The following WDR27 variants were observed in gnomAD, a reference collection of about 807,000 sequenced individuals.
WDR27 encodes WD repeat-containing protein 27.
In WDR27, 100 loss-of-function variants were observed where a neutral mutation model predicts 114.4. The ratio of observed to expected loss-of-function variants is 0.87; its 90% confidence interval spans 0.74 to 1.03. The LOEUF (loss-of-function observed/expected upper bound fraction) is 1.03. Ranked by LOEUF, WDR27 falls within the 50% of genes least tolerant of loss-of-function variation. The pLI is 0.00. For missense variants in WDR27, 1,129 were observed against 1,092.9 expected (o/e 1.03, Z -0.47); for synonymous variants, 449 against 423.1 (o/e 1.06, Z -0.75).
chr6:169,505,325 CACTT>C (rs759071934), intron 25 of WDR27, among the ~76,000 whole-genome samples: 10 of 152,120 alleles, frequency 6.6e-5, no homozygotes, highest in South Asian at 2.1e-4. Flanking sequence ...CATCAGTTAA[CACTT>C]ACATTAAGCC....
At chr6:169,631,434 T>G (rs1816338658) in intron 21 of WDR27, among the ~76,000 whole-genome samples, 1 of 150,700 alleles carries the variant, frequency 6.6e-6, no homozygotes, top group African/African-American at 2.5e-5. Flanking sequence ...GGTGGGGGGG[T>G]GGAAGATTAA....
At chr6:169,531,470 C>T (rs1292901106) in intron 25 of WDR27, among the ~76,000 whole-genome samples, 3 of 152,142 alleles carry the variant, frequency 2.0e-5, no homozygotes, top group Non-Finnish European at 4.4e-5. Context: ...TTGTCAAATA[C>T]TTCCTGGCAG....
chr6:169,452,491 AC>A (rs1784190713), downstream of WDR27, among the ~76,000 whole-genome samples: 1 of 99,468 alleles, frequency 1.0e-5, no homozygotes, highest in Non-Finnish European at 2.3e-5. Flanking sequence ...GCAGCCCCGG[AC>A]GTGGGGTCAG....
At chr6:169,482,156 C>G (rs906298667) in intron 25 of WDR27, among the ~76,000 whole-genome samples, 23 of 152,224 alleles carry the variant, frequency 1.5e-4, no homozygotes, top group African/African-American at 4.6e-4. Context: ...ACATAGTATT[C>G]TATGGTGTAT....
At chr6:169,609,216 A>G (rs1562686317) in intron 22 of WDR27, among the ~76,000 whole-genome samples, 1 of 152,148 alleles carries the variant, frequency 6.6e-6, no homozygotes, top group Non-Finnish European at 1.5e-5. Context: ...TGGATCTATC[A>G]TTCTGGGGTC....
chr6:169,669,346 TG>T (rs999456653), intron 4 of WDR27, among the ~76,000 whole-genome samples: 2 of 152,120 alleles, frequency 1.3e-5, no homozygotes, highest in Non-Finnish European at 2.9e-5. Context: ...TAAGGAAGCG[TG>T]GGGAGGATCT....
chr6:169,609,384 G>C (rs1397776502), intron 22 of WDR27, among the ~76,000 whole-genome samples: 1 of 152,208 alleles, frequency 6.6e-6, no homozygotes, highest in East Asian at 1.9e-4. Context: ...TGGGCATCCA[G>C]GTGCTTCCAT....
chr6:169,647,716 C>T, intron 16 of WDR27, 57 bp downstream of exon 16: 1 of 1,335,340 alleles, frequency 7.5e-7, no homozygotes, highest in Non-Finnish European at 1.1e-6. Context: ...TTACAGTGGG[C>T]AGAATCAAAG....
intron 14 of WDR27, 139 bp from the exon 15 acceptor site, chr6:169,649,414 TC>T: frequency 1.5e-6 from 1 of 680,948 alleles, no homozygotes; most frequent in Non-Finnish European, 2.5e-6. Flanking sequence ...CTCCCACCTG[TC>T]CTCCAGCCCT....
In WDR27 at chr6:169,638,744, C is replaced by A. The variant is rs1818365433; in HGVS notation, c.1748-84G>T. The A allele has an allele frequency of 2.7e-6, 4 of 1,490,556 alleles. No homozygotes were observed. In the African/African-American group the frequency reaches 5.6e-5, roughly 21 times the overall value. The allele number at this position is 1,490,556 out of a possible 1,614,324, so 92.3% of individuals were successfully genotyped here. A position where few individuals can be genotyped will look rare whatever the true frequency, so the allele number is the denominator to read the frequency against. The stretch of plus-strand genomic sequence containing the variant: ...GTGCTACTTATCTGGTACTTTCATA[C>A]AACACAACTGGAACAGCATTTTTCA... On this transcript the variant is annotated intron_variant, in intron 17 of 25. Transcript: ENST00000448612.
chr6:169,581,083 G>A (rs1164965306), intron 24 of WDR27, among the ~76,000 whole-genome samples: 1 of 151,836 alleles, frequency 6.6e-6, no homozygotes, highest in African/African-American at 2.4e-5. Context: ...CAAGGTTCAT[G>A]ACAACTACAA....
At chr6:169,463,135 C>T (rs555985982) in intron 25 of WDR27, among the ~76,000 whole-genome samples, 1 of 152,282 alleles carries the variant, frequency 6.6e-6, no homozygotes, top group African/African-American at 2.4e-5. Flanking sequence ...CCACTAAGAG[C>T]CTGGTTTCCA....
At chr6:169,455,483 C>T (rs1411998519), downstream of WDR27, among the ~76,000 whole-genome samples, 2 of 152,230 alleles carry the variant, frequency 1.3e-5, no homozygotes, top group African/African-American at 4.8e-5. Flanking sequence ...CAGAACATTT[C>T]ATTATGGATA....
intron 23 of WDR27, among the ~76,000 whole-genome samples, chr6:169,583,494 TA>T (rs1803919825): frequency 3.9e-5 from 1 of 25,608 alleles, no homozygotes; most frequent in African/African-American, 7.4e-5. Flanking sequence ...TATACATATA[TA>T]TATATATATG....
intron 22 of WDR27, among the ~76,000 whole-genome samples, chr6:169,602,608 T>A (rs947466006): frequency 1.3e-5 from 2 of 152,174 alleles, no homozygotes; most frequent in Non-Finnish European, 2.9e-5. Flanking sequence ...GGAAATTTTT[T>A]AAATATCAAA....
intron 21 of WDR27, among the ~76,000 whole-genome samples, chr6:169,625,963 T>C (rs1007029359): frequency 6.6e-6 from 1 of 152,132 alleles, no homozygotes; most frequent in Non-Finnish European, 1.5e-5. Flanking sequence ...CCGGGCTTCA[T>C]GTGGGCGCCA....
chr6:169,570,567 G>A (rs772306822), intron 25 of WDR27, among the ~76,000 whole-genome samples: 1 of 152,190 alleles, frequency 6.6e-6, no homozygotes, highest in Non-Finnish European at 1.5e-5. Flanking sequence ...AGTGGCTCAC[G>A]CCTGTAATCC....
chr6:169,695,284 T>C (rs1785596887), intron 1 of WDR27, among the ~76,000 whole-genome samples: 2 of 152,162 alleles, frequency 1.3e-5, no homozygotes, highest in Non-Finnish European at 2.9e-5. Flanking sequence ...GAAGAGGAAT[T>C]TGAGGAATCA....
chr6:169,584,948 G>A (rs1220034217), intron 23 of WDR27, among the ~76,000 whole-genome samples: 1 of 152,100 alleles, frequency 6.6e-6, no homozygotes, highest in East Asian at 1.9e-4. Context: ...ATGTGGTACT[G>A]CCAAAAAACA....
Sources: allele counts gnomAD v4.1 joint callset (sites outside exome capture counted in the v4.1 genomes callset), GRCh38; gene constraint gnomAD v4.1.1; transcripts MANE v1.5; gene names NCBI Gene and HGNC (gene_info 2026-07-23, HGNC 2026-07-21).